NYAP2: variants seen among roughly 807,000 people sequenced by gnomAD.
NYAP2 encodes the protein neuronal tyrosine-phosphorylated phosphoinositide-3-kinase adaptor 2.
NYAP2 carries 23 observed loss-of-function variants against 50.4 expected under a neutral mutation model. The ratio of observed to expected loss-of-function variants is 0.46; its 90% CI spans 0.33 to 0.65. The LOEUF is 0.65. Ranked by LOEUF, NYAP2 falls within the 30% of genes least tolerant of loss-of-function variation. The pLI is 0.02. For synonymous variants in NYAP2, 394 were observed against 365.2 expected, an observed-to-expected ratio of 1.08 and a Z score of -0.90; for missense variants, 885 against 861.0, an observed-to-expected ratio of 1.03 and a Z score of -0.35.
intron 5 of NYAP2, among the ~76,000 whole-genome samples, chr2:225,616,739 T>C (rs1172419075): frequency 1.3e-5 from 2 of 152,154 alleles, no homozygotes; most frequent in African/African-American, 2.4e-5. Flanking sequence ...AGGACAACCA[T>C]CTCAGTAATT....
chr2:225,527,651 T>C (rs1310426261), intron 4 of NYAP2, among the ~76,000 whole-genome samples: 2 of 152,098 alleles, frequency 1.3e-5, no homozygotes, highest in Admixed American at 1.3e-4. Context: ...TCTACTTTAT[T>C]ATTATTATTC....
At chr2:225,498,631 C>T (rs930395492) in intron 3 of NYAP2, among the ~76,000 whole-genome samples, 4 of 150,872 alleles carry the variant, frequency 2.7e-5, no homozygotes, top group African/African-American at 9.8e-5. Context: ...ACAAATAATC[C>T]AAGTAAGAAT....
chr2:225,618,735 G>C (rs1693034540), intron 5 of NYAP2, among the ~76,000 whole-genome samples: 1 of 152,198 alleles, frequency 6.6e-6, no homozygotes, highest in African/African-American at 2.4e-5. Context: ...CCAGAAACTA[G>C]TTTACGAAGG....
intron 5 of NYAP2, among the ~76,000 whole-genome samples, chr2:225,621,860 T>C (rs945320093): frequency 6.6e-6 from 1 of 152,174 alleles, no homozygotes; most frequent in Non-Finnish European, 1.5e-5. Context: ...ACCCTTATGC[T>C]AGCATGTGCC....
intron 3 of NYAP2, among the ~76,000 whole-genome samples, chr2:225,426,525 T>C (rs1469125856): frequency 2.6e-5 from 4 of 152,164 alleles, no homozygotes; most frequent in Admixed American, 2.6e-4. Context: ...GATTCAATGA[T>C]TGATATCCTG....
chr2:225,422,596 A>T lies in NYAP2; in HGVS notation c.221+13495A>T, dbSNP rs181223734. On this transcript the variant is annotated intron_variant, in intron 3 of 6. Transcript: ENST00000636099. Reference sequence around the variant, plus strand: ...GGACGCTGTGAACCGATCTATTATTAAAAAAAAAGACTGGCAGGGAGTAAT... The same window carrying T: ...GGACGCTGTGAACCGATCTATTATTTAAAAAAAAGACTGGCAGGGAGTAAT... 2.5e-3 allele frequency among the ~76,000 whole-genome samples: 385 copies of T among 151,470 alleles called. 1 individual carries two copies. Among genetic ancestry groups the T allele is most frequent in the African/African-American group, 8.6e-3 (356 of 41,248 alleles).
At chr2:225,668,377 A>T in the NYAP2 span, among the ~76,000 whole-genome samples, 9 of 151,760 alleles carry the variant, frequency 5.9e-5, no homozygotes. Flanking sequence ...CATCAATAAG[A>T]CTCTCTCTAG....
downstream of NYAP2, among the ~76,000 whole-genome samples, chr2:225,658,524 T>C (rs1039786980): frequency 6.6e-6 from 1 of 152,242 alleles, no homozygotes; most frequent in Non-Finnish European, 1.5e-5. Context: ...AAATTCATGT[T>C]ACAAATAAGA....
intron 4 of NYAP2, among the ~76,000 whole-genome samples, chr2:225,524,611 A>G (rs1193617777): frequency 1.3e-5 from 2 of 152,220 alleles, no homozygotes; most frequent in Non-Finnish European, 2.9e-5. Context: ...AGAAGGATTA[A>G]AGATCCAAAT....
At chr2:225,627,264 A>T in intron 6 of NYAP2, 138 bp downstream of exon 6, 1 of 683,134 alleles carries the variant, frequency 1.5e-6, no homozygotes, top group Non-Finnish European at 2.6e-6. Context: ...CCATTCACGT[A>T]GGTTACATAA....
intron 6 of NYAP2, among the ~76,000 whole-genome samples, chr2:225,630,858 G>A (rs1339086444): frequency 6.6e-6 from 1 of 152,210 alleles, no homozygotes; most frequent in Non-Finnish European, 1.5e-5. Flanking sequence ...TGTGAGATGC[G>A]GAGCAAGATT....
intron 3 of NYAP2, among the ~76,000 whole-genome samples, chr2:225,457,635 A>C (rs1198606940): frequency 1.3e-5 from 2 of 152,200 alleles, no homozygotes; most frequent in South Asian, 2.1e-4. Context: ...CACCAGACTG[A>C]AAGTGTTTAG....
chr2:225,513,369 A>G lies in NYAP2; in HGVS notation c.222-2A>G, dbSNP rs1559200789. 1 of 1,613,856 alleles carries G rather than the reference A, an allele frequency of 6.2e-7. No individual in the cohort carries two copies. Among genetic ancestry groups the G allele is most frequent in the Non-Finnish European group, 8.5e-7 (1 of 1,179,810 alleles). The stretch of plus-strand genomic sequence containing the variant: ...TGGTTTTTGGTCTGCTTTCTTTTAC[A>G]GCATAGGTGGAGAAGTAGGGCGAGG... On this transcript the variant is annotated splice_acceptor_variant, in intron 3 of 6. Transcript: ENST00000636099. LOFTEE classifies it high-confidence loss of function.
exon 7 of NYAP2, chr2:225,653,434 G>A (rs1169000079): frequency 1.3e-5 from 2 of 152,196 alleles, no homozygotes; most frequent in African/African-American, 4.8e-5. Flanking sequence ...TCAACTCTTT[G>A]TTCACCTGAT....
intron 4 of NYAP2, among the ~76,000 whole-genome samples, chr2:225,577,243 A>T (rs1401746142): frequency 1.3e-5 from 2 of 152,184 alleles, no homozygotes; most frequent in Non-Finnish European, 2.9e-5. Context: ...TCTGGAGCTG[A>T]ACAGGAATTA....
the NYAP2 span, among the ~76,000 whole-genome samples, chr2:225,679,218 G>A: frequency 6.6e-6 from 1 of 151,878 alleles, no homozygotes; most frequent in African/African-American, 2.4e-5. Flanking sequence ...GAAAAAAAAG[G>A]TAGAAAAGAA....
intron 3 of NYAP2, among the ~76,000 whole-genome samples, chr2:225,501,617 A>ATT (rs199799602): frequency 6.6e-6 from 1 of 151,542 alleles, no homozygotes; most frequent in African/African-American, 2.4e-5. Context: ...TCCATCATAC[A>ATT]TTTTTTTTTG....
At chr2:225,489,286 T>C (rs932569689) in intron 3 of NYAP2, among the ~76,000 whole-genome samples, 2 of 152,066 alleles carry the variant, frequency 1.3e-5, no homozygotes, top group Non-Finnish European at 2.9e-5. Flanking sequence ...CTTCACCTCC[T>C]GTGTTCAAGC....
chr2:225,510,829 C>A (rs185034986), intron 3 of NYAP2, among the ~76,000 whole-genome samples: 118 of 151,522 alleles, frequency 7.8e-4, no homozygotes, highest in African/African-American at 2.8e-3. Flanking sequence ...TGAACCAAAG[C>A]AGATAGAGTT....
Sources: gnomAD v4.1 joint callset for allele counts (sites outside exome capture counted in the v4.1 genomes callset) on GRCh38, gnomAD v4.1.1 for gene constraint, MANE v1.5 for transcripts, NCBI Gene and HGNC (gene_info 2026-07-23, HGNC 2026-07-21) for gene names.